The following ME3 variants were observed in gnomAD, a reference collection of about 807,000 sequenced individuals.
ME3 encodes malic enzyme 3.
Under a neutral mutation model 68.9 loss-of-function variants are expected in ME3, and 48 were observed. The ratio of observed to expected loss-of-function variants is 0.70; its 90% confidence interval spans 0.55 to 0.89. The LOEUF (loss-of-function observed/expected upper bound fraction) is 0.89. ME3 is among the 40% of genes least tolerant of loss of function. ME3 has a pLI of 0.00. For synonymous variants in ME3, 320 were observed against 318.8 expected (o/e 1.00, Z -0.04); for missense variants, 675 against 797.4 (o/e 0.85, Z 1.85).
intron 2 of ME3, among the ~76,000 whole-genome samples, chr11:86,602,620 G>C (rs1960892122): frequency 6.6e-6 from 1 of 151,966 alleles, no homozygotes; most frequent in Admixed American, 6.6e-5. Context: ...AGTTCATATG[G>C]AACCAAAAAA....
intron 2 of ME3, among the ~76,000 whole-genome samples, chr11:86,645,039 C>T (rs942059060): frequency 1.1e-4 from 17 of 152,236 alleles, no homozygotes; most frequent in African/African-American, 2.9e-4. Flanking sequence ...CCAGATACTA[C>T]GCTTTTCCCA....
At chr11:86,552,416 T>C (rs1956737239) in intron 4 of ME3, among the ~76,000 whole-genome samples, 1 of 152,184 alleles carries the variant, frequency 6.6e-6, no homozygotes. Flanking sequence ...CCTGTCCTTG[T>C]AGAATCCAGT....
chr11:86,487,212 T>C (rs1951744882), intron 7 of ME3, 125 bp downstream of exon 7: 3 of 767,356 alleles, frequency 3.9e-6, no homozygotes, highest in Non-Finnish European at 6.5e-6. Flanking sequence ...GTTGGAATTT[T>C]CAGAATACCT....
At chr11:86,600,407 C>T (rs945459598) in intron 2 of ME3, among the ~76,000 whole-genome samples, 3 of 152,114 alleles carry the variant, frequency 2.0e-5, no homozygotes, top group Non-Finnish European at 4.4e-5. Context: ...GCTAAATATC[C>T]TAAATATATA....
intron 7 of ME3, among the ~76,000 whole-genome samples, chr11:86,468,765 T>C (rs1950622576): frequency 6.6e-6 from 1 of 152,222 alleles, no homozygotes; most frequent in Non-Finnish European, 1.5e-5. Context: ...TTGCCTTACA[T>C]ATTCATTAAA....
intron 2 of ME3, among the ~76,000 whole-genome samples, chr11:86,647,492 A>C (rs75955447): frequency 0.02 from 1,633 of 82,368 alleles, 29 homozygotes; most frequent in African/African-American, 0.08. Context: ...CTCAAAAAAG[A>C]AAAAAAAAAA....
chr11:86,601,616 A>T (rs1201495840), intron 2 of ME3, among the ~76,000 whole-genome samples: 2 of 152,080 alleles, frequency 1.3e-5, no homozygotes, highest in Non-Finnish European at 2.9e-5. Context: ...GGCCAGCATC[A>T]TCCTGATACC....
chr11:86,457,637 G>C (rs759106887), intron 8 of ME3: 1 of 1,278,120 alleles, frequency 7.8e-7, no homozygotes, highest in South Asian at 1.2e-5. Context: ...TTTAAAACTG[G>C]AAAGGAAGCT....
chr11:86,668,183 C>T (rs1460297895), intron 2 of ME3: 3 of 152,114 alleles, frequency 2.0e-5, no homozygotes, highest in African/African-American at 7.2e-5. Flanking sequence ...CCTCTGTCCA[C>T]TTCTATGACC....
At chr11:86,487,581 C>T (rs1207504066) in intron 6 of ME3, 141 bp from the exon 7 acceptor site, 8 of 654,404 alleles carry the variant, frequency 1.2e-5, no homozygotes, top group African/African-American at 7.3e-5. Flanking sequence ...ATCCCCCCCG[C>T]CCAGGTGTCA....
chr11:86,649,275 A>G (rs1409705707), intron 2 of ME3, among the ~76,000 whole-genome samples: 3 of 152,204 alleles, frequency 2.0e-5, no homozygotes, highest in African/African-American at 7.2e-5. Flanking sequence ...CCTTCATGCT[A>G]AAAACACTCC....
At chr11:86,436,557 G>A (rs1180835339), downstream of ME3, 1 of 151,954 alleles carries the variant, frequency 6.6e-6, no homozygotes, top group Non-Finnish European at 1.5e-5. Context: ...TTTTAAAGTT[G>A]TATCTCAGAA....
rs563738961 is a variant in ME3, at chr11:86,617,045, GTTTTTTTTTTTTTTTT to G, written c.183+54701_183+54716del. On this transcript the variant is annotated intron_variant, in intron 2 of 14. Coordinates refer to ENST00000543262, the Ensembl canonical transcript of ME3. The stretch of plus-strand genomic sequence containing the variant: ...ACATCTAAAATACTCCAAGATAGTA[GTTTTTTTTTTTTTTTT>G]TTTTTTTTTTTTTTTTTAAAGATGA... Among the ~76,000 whole-genome samples the G allele has an allele frequency of 1.9e-3, 106 of 56,330 alleles. 1 individual carries two copies. In the East Asian group the frequency reaches 0.043, roughly 23 times the overall value. 37.0% of individuals were successfully genotyped at this position (56,330 alleles called of 152,430 possible). A position where few individuals can be genotyped will look rare whatever the true frequency, so the allele number is the denominator to read the frequency against.
chr11:86,475,418 C>T (rs955775563), intron 7 of ME3, among the ~76,000 whole-genome samples: 3 of 152,108 alleles, frequency 2.0e-5, no homozygotes, highest in Non-Finnish European at 2.9e-5. Flanking sequence ...CCTGTAAAGC[C>T]GGCAGAACCA....
chr11:86,467,986 GAACCCCAGA>G (rs1300267980), intron 7 of ME3, among the ~76,000 whole-genome samples: 2 of 151,974 alleles, frequency 1.3e-5, no homozygotes, highest in Non-Finnish European at 2.9e-5. Context: ...CGGATTTAAG[GAACCCCAGA>G]ACTCCTCTCC....
chr11:86,671,813 C>A, exon 2 of ME3: 1 of 1,602,596 alleles, frequency 6.2e-7, no homozygotes, highest in Non-Finnish European at 8.5e-7. Context: ...TCTTCAGGGG[C>A]ACAGGGCGCG....
chr11:86,490,103 TG>T (rs1284719447), intron 6 of ME3, among the ~76,000 whole-genome samples: 17 of 152,184 alleles, frequency 1.1e-4, no homozygotes, highest in African/African-American at 3.9e-4. Flanking sequence ...GACACTGTTC[TG>T]GGTCCATACT....
intron 8 of ME3, among the ~76,000 whole-genome samples, chr11:86,450,626 A>G (rs1022550544): frequency 2.0e-5 from 3 of 152,280 alleles, no homozygotes; most frequent in Admixed American, 1.3e-4. Context: ...ACTTGACCCC[A>G]TAAGATGGGA....
intron 2 of ME3, among the ~76,000 whole-genome samples, chr11:86,576,156 T>C (rs539458671): frequency 1.3e-5 from 2 of 152,330 alleles, no homozygotes; most frequent in South Asian, 4.1e-4. Context: ...GCTAACATCG[T>C]TATTTGTTCC....
Sources: gnomAD v4.1 joint callset for allele counts (sites outside exome capture counted in the v4.1 genomes callset) on GRCh38, gnomAD v4.1.1 for gene constraint, MANE v1.5 for transcripts, NCBI Gene and HGNC (gene_info 2026-07-23, HGNC 2026-07-21) for gene names.